Variants in SH3RF3 observed in about 807,000 individuals in gnomAD.
SH3RF3 encodes SH3 domain containing ring finger 3.
A neutral mutation model predicts 66.3 loss-of-function variants in SH3RF3; 29 were observed. That is an observed-to-expected ratio of 0.44 (90% CI 0.33 to 0.60). The LOEUF is 0.60. Ranked by LOEUF, SH3RF3 falls within the 20% of genes least tolerant of loss-of-function variation. The pLI is 0.04. For synonymous variants in SH3RF3, 583 were observed against 532.0 expected (o/e 1.10, Z -1.32); for missense variants, 1,194 against 1,190.9 (o/e 1.00, Z -0.04).
At chr2:109,479,211 C>G (rs1232114816) in intron 8 of SH3RF3, among the ~76,000 whole-genome samples, 1 of 152,164 alleles carries the variant, frequency 6.6e-6, no homozygotes, top group African/African-American at 2.4e-5. Flanking sequence ...GCAGTGGCAT[C>G]TCCCCTGAGC....
intron 1 of SH3RF3, among the ~76,000 whole-genome samples, chr2:109,303,597 C>T (rs11123736): frequency 0.24 from 36,075 of 152,128 alleles, 5,320 homozygotes; most frequent in East Asian, 0.65. Context: ...GGGAGAGGGC[C>T]GCCACACGGG....
At chr2:109,466,299 T>G (rs1480335046) in intron 8 of SH3RF3, among the ~76,000 whole-genome samples, 1 of 152,112 alleles carries the variant, frequency 6.6e-6, no homozygotes, top group Non-Finnish European at 1.5e-5. Flanking sequence ...GCCAGGATGG[T>G]CTTGATCTCC....
chr2:109,427,395 C>T (rs2104550050), intron 5 of SH3RF3, among the ~76,000 whole-genome samples: 1 of 152,236 alleles, frequency 6.6e-6, no homozygotes, highest in African/African-American at 2.4e-5. Context: ...ATTCGGGTGA[C>T]AGTTTATTGC....
chr2:109,451,044 G>A (rs1001387214), intron 8 of SH3RF3, among the ~76,000 whole-genome samples: 8 of 152,214 alleles, frequency 5.3e-5, no homozygotes, highest in African/African-American at 9.6e-5. Flanking sequence ...AACATGAGCC[G>A]GGAACGCTGC....
At chr2:109,299,040 G>A (rs1435199046) in intron 1 of SH3RF3, among the ~76,000 whole-genome samples, 1 of 152,138 alleles carries the variant, frequency 6.6e-6, no homozygotes, top group African/African-American at 2.4e-5. Flanking sequence ...GTGCCCTCTG[G>A]GTCACCTGCT....
At chr2:109,393,566 A>G (rs1228789653) in intron 3 of SH3RF3, among the ~76,000 whole-genome samples, 1 of 152,130 alleles carries the variant, frequency 6.6e-6, no homozygotes, top group East Asian at 1.9e-4. Flanking sequence ...TGGTGCATCC[A>G]TGAAAAGAGT....
chr2:109,307,584 C>A (rs1251995902), intron 1 of SH3RF3, among the ~76,000 whole-genome samples: 1 of 123,262 alleles, frequency 8.1e-6, no homozygotes, highest in Middle Eastern at 3.7e-3. Context: ...TCCCCCCACC[C>A]CACCACAGTC....
Position 109,364,337 on chromosome 2 carries a change from T to A in SH3RF3, c.850-7249T>A, listed in dbSNP as rs537804933. 5.3e-5 allele frequency among the ~76,000 whole-genome samples: 8 copies of A among 152,280 alleles called. No individual in the cohort carries two copies. The South Asian group carries it at 1.7e-3, about 32-fold the overall frequency. On this transcript the variant is annotated intron_variant, in intron 2 of 9. Transcript: ENST00000309415. ...TGATTGCTAACATTTCTTTTCTGGCTCTTTATCTTTGCTTACATCACCCAT... is the reference window on the plus strand; with the variant it reads ...TGATTGCTAACATTTCTTTTCTGGCACTTTATCTTTGCTTACATCACCCAT...
intron 3 of SH3RF3, among the ~76,000 whole-genome samples, chr2:109,375,453 T>G (rs1683360304): frequency 6.6e-6 from 1 of 151,944 alleles, no homozygotes; most frequent in African/African-American, 2.4e-5. Context: ...CAGAGAGGAG[T>G]GGGCCTGGCC....
In SH3RF3 at chr2:109,398,645, C is replaced by T. The variant is rs373779127; in HGVS notation, c.1001C>T (p.Ala334Val). ...IEMDKPCPAA[A>V]SSCNASLPSD... Reference sequence around the variant, plus strand: ...ATGGACAAGCCATGCCCAGCCGCTGCATCCAGCTGCAATGCCTCCCTGCCC... The same window carrying T: ...ATGGACAAGCCATGCCCAGCCGCTGTATCCAGCTGCAATGCCTCCCTGCCC... Residue 334 changes from alanine to valine, a missense_variant, in exon 4 of 10, where the codon GCA becomes GTA. Ala to Val is a moderately conservative substitution (Grantham distance 64). Coordinates refer to ENST00000309415, the MANE Select transcript of SH3RF3 (RefSeq NM_001099289.3). The T allele has an allele frequency of 6.9e-6, 11 of 1,602,092 alleles. No homozygotes were observed. The African/African-American group carries it at 1.5e-4, about 21-fold the overall frequency.
At chr2:109,279,185 T>G (rs1408484567) in intron 1 of SH3RF3, among the ~76,000 whole-genome samples, 2 of 152,106 alleles carry the variant, frequency 1.3e-5, no homozygotes, top group Admixed American at 1.3e-4. Context: ...CATGCATACG[T>G]TTTGGGAAGA....
rs140367947 is a variant in SH3RF3 at position 109,254,275 on chromosome 2, C to T, written c.574-93399C>T. Among the ~76,000 whole-genome samples, 127 of 152,246 alleles carry T rather than the reference C, an allele frequency of 8.3e-4. 1 individual carries two copies. The highest frequency in any genetic ancestry group is 2.6e-3 in the African/African-American group (110 of 41,536). On this transcript the variant is annotated intron_variant, in intron 1 of 9. Transcript: ENST00000309415. ...ATATGTTTTTCTAGAGTTTTTAGCACGCAGCAGCATAGTGGCTTAGAGTGC... is the reference window on the plus strand; with the variant it reads ...ATATGTTTTTCTAGAGTTTTTAGCATGCAGCAGCATAGTGGCTTAGAGTGC...
At chr2:109,175,745 A>G (rs904291296) in intron 1 of SH3RF3, among the ~76,000 whole-genome samples, 47 of 152,346 alleles carry the variant, frequency 3.1e-4, no homozygotes, top group African/African-American at 1.1e-3. Flanking sequence ...AGTAACTTTG[A>G]ACAGTGTAAT....
At chr2:109,363,376 C>T (rs560476481) in intron 2 of SH3RF3, among the ~76,000 whole-genome samples, 1 of 152,210 alleles carries the variant, frequency 6.6e-6, no homozygotes, top group Non-Finnish European at 1.5e-5. Flanking sequence ...CCCTCCTGTT[C>T]CTTGTATCAT....
At chr2:109,210,574 C>T (rs564436193) in intron 1 of SH3RF3, among the ~76,000 whole-genome samples, 3 of 152,302 alleles carry the variant, frequency 2.0e-5, no homozygotes, top group East Asian at 1.9e-4. Context: ...ATGGCCTAAG[C>T]AGGTGGCTCT....
chr2:109,175,195 A>G (rs1302929642), intron 1 of SH3RF3, among the ~76,000 whole-genome samples: 1 of 152,188 alleles, frequency 6.6e-6, no homozygotes, highest in Non-Finnish European at 1.5e-5. Flanking sequence ...TTTCAGAGTC[A>G]GTGGTGACGT....
chr2:109,150,112 A>G (rs1343692020), intron 1 of SH3RF3, among the ~76,000 whole-genome samples: 1 of 152,208 alleles, frequency 6.6e-6, no homozygotes, highest in Admixed American at 6.5e-5. Flanking sequence ...TCTAAACTGC[A>G]GAAGGCCAAC....
chr2:109,276,289 AG>A (rs1428615426), intron 1 of SH3RF3, among the ~76,000 whole-genome samples: 1 of 152,214 alleles, frequency 6.6e-6, no homozygotes, highest in South Asian at 2.1e-4. Flanking sequence ...GCTCTAGAAA[AG>A]GGTCACGATT....
Position 109,347,696 on chromosome 2 carries a change from G to A in SH3RF3, c.596G>A (p.Gly199Asp), listed in dbSNP as rs954063541. 9.3e-6 allele frequency: 15 copies of A among 1,613,634 alleles called. No individual in the cohort carries two copies. Among genetic ancestry groups the A allele is most frequent in the Non-Finnish European group, 1.3e-5 (15 of 1,179,794 alleles). Residue 199 changes from glycine (G) to aspartate (D), a missense_variant, in exon 2 of 10, where the codon GGC becomes GAC. Coordinates refer to ENST00000309415, the MANE Select transcript of SH3RF3 (RefSeq NM_001099289.3). ...AAKNPCLLPY[G>D]KALYSYEGKE... The stretch of plus-strand genomic sequence containing the variant: ...CAGAATCCCTGCCTGCTTCCCTATG[G>A]CAAGGCCCTCTACAGCTACGAGGGG...
Sources: allele counts gnomAD v4.1 joint callset (sites outside exome capture counted in the v4.1 genomes callset), GRCh38; gene constraint gnomAD v4.1.1; transcripts MANE v1.5; gene names NCBI Gene and HGNC (gene_info 2026-07-23, HGNC 2026-07-21).